The following HOOK3 variants were observed in gnomAD, a reference collection of about 807,000 sequenced individuals.
HOOK3 encodes protein Hook homolog 3.
A neutral mutation model predicts 116.3 loss-of-function variants in HOOK3; 24 were observed. That is an observed-to-expected ratio of 0.21 (90% confidence interval 0.15 to 0.29). The LOEUF (loss-of-function observed/expected upper bound fraction) is 0.29. Among genes scored for constraint, HOOK3 ranks in the 10% least tolerant of loss-of-function variants. The pLI, the probability that HOOK3 is intolerant of heterozygous loss-of-function variation, is 1.00. For missense variants in HOOK3, 632 were observed against 830.2 expected (o/e 0.76, Z 2.93); for synonymous variants, 275 against 283.0 (o/e 0.97, Z 0.28).
Position 42,908,661 on chromosome 8 carries a change from C to T in HOOK3, c.143+2403C>T, listed in dbSNP as rs550213154. On this transcript the variant is annotated intron_variant, in intron 2 of 21. Transcript: ENST00000307602. ...CTCACGCCACATGCAAAAATCAATT[C>T]AGAATGGATTAAAGACTTTTAAACA... 5.9e-5 allele frequency among the ~76,000 whole-genome samples: 9 copies of T among 152,278 alleles called. No homozygotes were observed. The South Asian group carries it at 8.3e-4, about 14-fold the overall frequency.
rs1183847809 is a variant in HOOK3 at position 43,025,510 on chromosome 8, A to T, written c.*7012A>T. 9.4e-6 allele frequency: 2 copies of T among 213,380 alleles called. No homozygotes were observed. Among genetic ancestry groups the T allele is most frequent in the Non-Finnish European group, 1.9e-5 (2 of 105,568 alleles). The allele number at this position is 213,380 out of a possible 1,614,324, so 13.2% of individuals were successfully genotyped here. A position where few individuals can be genotyped will look rare whatever the true frequency, so the allele number is the denominator to read the frequency against. On this transcript the variant is annotated 3_prime_UTR_variant, in exon 22 of 22. Transcript: ENST00000307602. The stretch of plus-strand genomic sequence containing the variant: ...TGCCTAAAATCCTCTGTATTACATG[A>T]TTATTCAGTAAAAGAGTAAACAAAT...
At chr8:42,950,126 C>G (rs1019673854) in intron 5 of HOOK3, among the ~76,000 whole-genome samples, 1 of 152,140 alleles carries the variant, frequency 6.6e-6, no homozygotes, top group African/African-American at 2.4e-5. Context: ...TTGGCACATA[C>G]TCATGCCAAT....
intron 10 of HOOK3, among the ~76,000 whole-genome samples, chr8:42,967,616 C>T (rs1808655580): frequency 6.6e-6 from 1 of 152,094 alleles, no homozygotes; most frequent in African/African-American, 2.4e-5. Context: ...TTATTACTCT[C>T]TCCTTCCCAC....
chr8:42,915,415 T>G (rs1475859505), intron 2 of HOOK3, among the ~76,000 whole-genome samples: 1 of 152,056 alleles, frequency 6.6e-6, no homozygotes, highest in African/African-American at 2.4e-5. Flanking sequence ...TACCGTGATG[T>G]AGATATTGCC....
In HOOK3 at chr8:42,897,193, G is replaced by A; in HGVS notation, c.57+5G>A. On this transcript the variant is annotated splice_donor_5th_base_variant and intron_variant, in intron 1 of 21. Transcript: ENST00000307602. ...TGCGAGAGCCTCCTCACTTGGGTAC[G>A]TGGGGGCCGCGGGCCGGCGGGAAGA... 8.0e-7 allele frequency: 1 copy of A among 1,245,384 alleles called. No individual in the cohort carries two copies. The highest frequency in any genetic ancestry group is 1.0e-6 in the Non-Finnish European group (1 of 990,094). 77.1% of individuals were successfully genotyped at this position (1,245,384 alleles called of 1,614,324 possible). A position where few individuals can be genotyped will look rare whatever the true frequency, so the allele number is the denominator to read the frequency against.
At chr8:43,003,784 G>T (rs1809421506) in intron 17 of HOOK3, among the ~76,000 whole-genome samples, 1 of 152,134 alleles carries the variant, frequency 6.6e-6, no homozygotes, top group African/African-American at 2.4e-5. Flanking sequence ...GTTTTTGGTT[G>T]TAGACAGATC....
intron 2 of HOOK3, among the ~76,000 whole-genome samples, chr8:42,925,080 T>C (rs891047962): frequency 2.0e-5 from 3 of 152,000 alleles, no homozygotes; most frequent in Non-Finnish European, 4.4e-5. Flanking sequence ...TTTTTTGTTG[T>C]TGTTGTTTTT....
rs1319697798 is a variant in HOOK3 at position 43,021,082 on chromosome 8, CAA to C, written c.*2585_*2586del. On this transcript the variant is annotated 3_prime_UTR_variant, in exon 22 of 22. Transcript: ENST00000307602. ...GCGCCATTGCACCCCAGCCTGGCGACAAGAGCGAAACTCTGTCGCAAGAAAAA... is the reference window on the plus strand; with the variant it reads ...GCGCCATTGCACCCCAGCCTGGCGACGAGCGAAACTCTGTCGCAAGAAAAA... 9.0e-6 allele frequency: 1 copy of C among 111,104 alleles called. No individual in the cohort carries two copies. The highest frequency in any genetic ancestry group is 3.6e-5 in the African/African-American group (1 of 27,618). 6.9% of individuals were successfully genotyped at this position (111,104 alleles called of 1,614,324 possible).
At chr8:43,004,694 A>AAG (rs1185433462) in intron 17 of HOOK3, among the ~76,000 whole-genome samples, 1,903 of 151,608 alleles carry the variant, frequency 0.013, 43 homozygotes, top group African/African-American at 0.043. Context: ...AAAAAAAAAA[A>AAG]AAAAAAAACT....
intron 14 of HOOK3, among the ~76,000 whole-genome samples, chr8:42,984,048 G>T (rs1326950909): frequency 6.6e-6 from 1 of 152,138 alleles, no homozygotes; most frequent in Admixed American, 6.5e-5. Flanking sequence ...GAAACAATTT[G>T]TAGTTGTTGG....
intron 13 of HOOK3, among the ~76,000 whole-genome samples, chr8:42,978,611 A>C (rs541161046): frequency 3.9e-5 from 6 of 151,970 alleles, no homozygotes; most frequent in Non-Finnish European, 7.4e-5. Context: ...ACAGGGTTTC[A>C]CCATGTTGGC....
At chr8:42,987,116 C>A (rs1247168916) in intron 15 of HOOK3, among the ~76,000 whole-genome samples, 1 of 152,078 alleles carries the variant, frequency 6.6e-6, no homozygotes, top group Non-Finnish European at 1.5e-5. Flanking sequence ...GAGCCAAGGC[C>A]ACACCACTGC....
At position 42,982,696 on chromosome 8, in the gene HOOK3, G is replaced by T; in HGVS notation, c.1391G>T (p.Arg464Met). ...LAAEIVTPEI[R>M]EKLIRLQHEN... ...GCAGAGATTGTTACACCTGAAATCA[G>T]GTAAGGAGATTGTGGTGTTCACACT... is the stretch of plus-strand genomic sequence containing the variant. Residue 464 changes from arginine (R) to methionine (M), a missense_variant and splice_region_variant, in exon 14 of 22, where the codon AGG becomes ATG. Physicochemically the swap from Arg to Met is moderately conservative, Grantham distance 91 (BLOSUM62 -1). Transcript: ENST00000307602. 6.2e-7 allele frequency: 1 copy of T among 1,606,706 alleles called. No individual in the cohort carries two copies. The highest frequency in any genetic ancestry group is 1.3e-5 in the African/African-American group (1 of 74,898).
chr8:42,998,676 A>G (rs1809327230), intron 16 of HOOK3, among the ~76,000 whole-genome samples: 1 of 151,966 alleles, frequency 6.6e-6, no homozygotes, highest in Admixed American at 6.6e-5. Context: ...TCTCATGTAT[A>G]TTGGCAACAT....
In HOOK3 at chr8:43,019,390, A is replaced by C. The variant is rs926818457; in HGVS notation, c.*892A>C. 1 of 214,146 alleles carries C rather than the reference A, an allele frequency of 4.7e-6. No homozygotes were observed. The highest frequency in any genetic ancestry group is 5.8e-5 in the Admixed American group (1 of 17,128). The allele number at this position is 214,146 out of a possible 1,614,324, so 13.3% of individuals were successfully genotyped here. ...TTTCATATATGTACAAGTTATTGGT[A>C]GTCTTATTTTTGGGCTGTTTGTTGA... is the stretch of plus-strand genomic sequence containing the variant. On this transcript the variant is annotated 3_prime_UTR_variant, in exon 22 of 22. Coordinates refer to ENST00000307602, the MANE Select transcript of HOOK3 (RefSeq NM_032410.4).
At chr8:42,922,747 A>G (rs1368181450) in intron 2 of HOOK3, among the ~76,000 whole-genome samples, 1 of 151,868 alleles carries the variant, frequency 6.6e-6, no homozygotes, top group African/African-American at 2.4e-5. Context: ...AAAAAATACA[A>G]AAATTAGCTG....
chr8:42,906,752 A>G (rs1265798887), intron 2 of HOOK3, among the ~76,000 whole-genome samples: 2 of 152,204 alleles, frequency 1.3e-5, no homozygotes, highest in African/African-American at 2.4e-5. Context: ...ATCTGCCCCA[A>G]CATCCCCAAA....
At position 43,027,613 on chromosome 8, in the gene HOOK3, CAT is replaced by C; in HGVS notation, c.*9117_*9118del. The C allele has an allele frequency of 4.2e-6, 1 of 237,720 alleles. No individual in the cohort carries two copies. Among genetic ancestry groups the C allele is most frequent in the East Asian group, 6.9e-5 (1 of 14,460 alleles). 14.7% of individuals were successfully genotyped at this position (237,720 alleles called of 1,614,324 possible). On this transcript the variant is annotated 3_prime_UTR_variant, in exon 22 of 22. Coordinates refer to ENST00000307602, the MANE Select transcript of HOOK3 (RefSeq NM_032410.4). Reference sequence around the variant, plus strand: ...CCAAATTAGAAAATTAAAAGTGAAACATAACACATAAGGACGAAATACAATGT... The same window carrying C: ...CCAAATTAGAAAATTAAAAGTGAAACAACACATAAGGACGAAATACAATGT...
intron 2 of HOOK3, among the ~76,000 whole-genome samples, chr8:42,924,493 A>G (rs975695029): frequency 6.6e-5 from 10 of 152,140 alleles, no homozygotes; most frequent in South Asian, 2.1e-4. Flanking sequence ...GTAAACAGCA[A>G]TGGTGTTCAG....
Sources: allele counts gnomAD v4.1 joint callset (sites outside exome capture counted in the v4.1 genomes callset), GRCh38; gene constraint gnomAD v4.1.1; transcripts MANE v1.5; gene names NCBI Gene and HGNC (gene_info 2026-07-23, HGNC 2026-07-21).